The following FHIT variants were observed in gnomAD, a reference collection of about 807,000 sequenced individuals.
FHIT encodes fragile histidine triad diadenosine triphosphatase.
Under a neutral mutation model 17.9 loss-of-function variants are expected in FHIT, and 19 were observed. The ratio of observed to expected loss-of-function variants is 1.06; its 90% CI spans 0.74 to 1.56. FHIT has a LOEUF of 1.56. FHIT is among the 40% of genes most tolerant of loss of function. FHIT has a pLI of 0.00. For missense variants in FHIT, 248 were observed against 189.2 expected, an observed-to-expected ratio of 1.31 and a Z score of -1.82; for synonymous variants, 81 against 69.7, an observed-to-expected ratio of 1.16 and a Z score of -0.81.
At chr3:60,765,618 T>C (rs1427761860) in intron 4 of FHIT, 2 of 152,202 alleles carry the variant, frequency 1.3e-5, no homozygotes, top group African/African-American at 4.8e-5. Context: ...ACAGGTTTAC[T>C]TGGTGTGATG....
chr3:60,073,285 T>A (rs1016521448), intron 5 of FHIT, among the ~76,000 whole-genome samples: 1 of 152,072 alleles, frequency 6.6e-6, no homozygotes, highest in Non-Finnish European at 1.5e-5. Context: ...ATATGTCACA[T>A]TTTAAGTCTG....
chr3:59,834,357 T>G (rs531690812), intron 8 of FHIT, among the ~76,000 whole-genome samples: 1 of 152,188 alleles, frequency 6.6e-6, no homozygotes, highest in Non-Finnish European at 1.5e-5. Flanking sequence ...AATAGATAGA[T>G]AGATTAGCTA....
intron 5 of FHIT, among the ~76,000 whole-genome samples, chr3:60,364,531 A>G (rs938447951): frequency 7.2e-5 from 11 of 152,238 alleles, no homozygotes; most frequent in Non-Finnish European, 1.6e-4. Flanking sequence ...GAATGAATAT[A>G]TTGCTGTTAC....
chr3:60,965,977 G>C (rs542462928), intron 3 of FHIT, among the ~76,000 whole-genome samples: 1 of 152,314 alleles, frequency 6.6e-6, no homozygotes, highest in African/African-American at 2.4e-5. Context: ...GTCAGATAGG[G>C]ACGTTTAAGT....
chr3:60,453,631 G>T (rs1029292659), intron 5 of FHIT, among the ~76,000 whole-genome samples: 1 of 152,138 alleles, frequency 6.6e-6, no homozygotes, highest in Non-Finnish European at 1.5e-5. Flanking sequence ...CTGACTCTAT[G>T]TAAGTATTTC....
intron 5 of FHIT, among the ~76,000 whole-genome samples, chr3:60,188,808 C>G (rs1212076923): frequency 1.3e-5 from 2 of 152,026 alleles, no homozygotes; most frequent in African/African-American, 2.4e-5. Flanking sequence ...AGTAAGCCAC[C>G]TTGTATTCTT....
At chr3:61,234,667 T>A (rs902569436) in intron 1 of FHIT, among the ~76,000 whole-genome samples, 1 of 152,228 alleles carries the variant, frequency 6.6e-6, no homozygotes, top group African/African-American at 2.4e-5. Context: ...TATATTTTTT[T>A]AAATCTTCCA....
At chr3:61,130,681 C>T (rs184118512) in intron 2 of FHIT, among the ~76,000 whole-genome samples, 26 of 152,268 alleles carry the variant, frequency 1.7e-4, no homozygotes, top group Admixed American at 4.6e-4. Context: ...ACACTCAATA[C>T]ACAAGAGCTA....
chr3:59,856,322 T>G (rs559070534), intron 8 of FHIT, among the ~76,000 whole-genome samples: 1 of 152,212 alleles, frequency 6.6e-6, no homozygotes, highest in Admixed American at 6.5e-5. Context: ...ATTGTTAAAA[T>G]TTTTTTTGCA....
At chr3:60,102,430 T>C (rs1404314550) in intron 5 of FHIT, among the ~76,000 whole-genome samples, 1 of 152,180 alleles carries the variant, frequency 6.6e-6, no homozygotes, top group Non-Finnish European at 1.5e-5. Flanking sequence ...AAGCCAGCAC[T>C]TTCTGCTTTC....
intron 5 of FHIT, among the ~76,000 whole-genome samples, chr3:60,409,758 T>C (rs1030550602): frequency 6.6e-6 from 1 of 152,170 alleles, no homozygotes; most frequent in Non-Finnish European, 1.5e-5. Context: ...CAAAATACAA[T>C]GCAAAAATCT....
rs1333438033 is a variant in FHIT at position 60,164,140 on chromosome 3, GC to G, written c.104-149989del. On this transcript the variant is annotated intron_variant, in intron 5 of 9. Coordinates refer to ENST00000492590, the MANE Select transcript of FHIT (RefSeq NM_002012.4). ...AGGTAGCTAGTGGAAGACTGCTGAA[GC>G]TTTTTTGAATAAAAAATAATGCCAG... Among the ~76,000 whole-genome samples, 5 of 152,248 alleles carry G rather than the reference GC, an allele frequency of 3.3e-5. No individual in the cohort carries two copies. The East Asian group carries it at 9.7e-4, about 29-fold the overall frequency.
intron 5 of FHIT, among the ~76,000 whole-genome samples, chr3:60,210,622 A>C (rs538210248): frequency 6.6e-6 from 1 of 152,284 alleles, no homozygotes; most frequent in African/African-American, 2.4e-5. Context: ...AAATAAATGC[A>C]AATGGGCCTT....
chr3:60,033,507 G>C (rs1404582650), intron 5 of FHIT, among the ~76,000 whole-genome samples: 1 of 151,490 alleles, frequency 6.6e-6, no homozygotes, highest in East Asian at 1.9e-4. Context: ...AAAAAAAAGA[G>C]AGAAAGAAAG....
chr3:59,897,361 G>T (rs540966538), intron 8 of FHIT, among the ~76,000 whole-genome samples: 1 of 152,128 alleles, frequency 6.6e-6, no homozygotes, highest in South Asian at 2.1e-4. Flanking sequence ...CAATTCAAAT[G>T]TCTCTTCCTC....
intron 2 of FHIT, among the ~76,000 whole-genome samples, chr3:61,109,179 T>A (rs2036081314): frequency 6.6e-6 from 1 of 152,170 alleles, no homozygotes; most frequent in Non-Finnish European, 1.5e-5. Flanking sequence ...ACAGGTTTTA[T>A]AATCCCACCC....
At chr3:60,145,154 A>AT (rs35022605) in intron 5 of FHIT, among the ~76,000 whole-genome samples, 1 of 151,508 alleles carries the variant, frequency 6.6e-6, no homozygotes, top group Non-Finnish European at 1.5e-5. Context: ...TCCACCTACA[A>AT]TTTTTTTTTG....
At chr3:61,141,728 G>A (rs778993773) in intron 2 of FHIT, among the ~76,000 whole-genome samples, 1 of 151,514 alleles carries the variant, frequency 6.6e-6, no homozygotes, top group African/African-American at 2.4e-5. Context: ...AAAAACGGAG[G>A]TCATTTATAG....
At chr3:60,984,510 G>T (rs113852539) in intron 3 of FHIT, among the ~76,000 whole-genome samples, 1 of 152,124 alleles carries the variant, frequency 6.6e-6, no homozygotes, top group African/African-American at 2.4e-5. Flanking sequence ...AAGAATGTTC[G>T]CAGCTCTGGC....
Sources: allele counts gnomAD v4.1 joint callset (sites outside exome capture counted in the v4.1 genomes callset), GRCh38; gene constraint gnomAD v4.1.1; transcripts MANE v1.5; gene names NCBI Gene and HGNC (gene_info 2026-07-23, HGNC 2026-07-21).